Variants in TENM4 observed in about 807,000 individuals in gnomAD.
TENM4 encodes teneurin transmembrane protein 4.
TENM4 carries 82 observed loss-of-function variants against 243.3 expected under a neutral mutation model. The ratio of observed to expected loss-of-function variants is 0.34; its 90% CI spans 0.28 to 0.40. TENM4 has a LOEUF of 0.40. Ranked by LOEUF, TENM4 falls within the 10% of genes least tolerant of loss-of-function variation. The pLI, the probability that TENM4 is intolerant of heterozygous loss-of-function variation, is 1.00. For missense variants in TENM4, 3,138 were observed against 3,673.3 expected (o/e 0.85, Z 3.77); for synonymous variants, 1,412 against 1,456.3 (o/e 0.97, Z 0.69).
At chr11:78,945,766 T>C (rs1202590480) in intron 6 of TENM4, among the ~76,000 whole-genome samples, 1 of 152,198 alleles carries the variant, frequency 6.6e-6, no homozygotes, top group Non-Finnish European at 1.5e-5. Context: ...TTTGCTGTTT[T>C]ATGTTTTATG....
At chr11:79,222,815 C>T (rs1864188911) in intron 2 of TENM4, among the ~76,000 whole-genome samples, 1 of 152,130 alleles carries the variant, frequency 6.6e-6, no homozygotes, top group African/African-American at 2.4e-5. Flanking sequence ...CTAGAAGTGT[C>T]TGTTCATGTC....
At chr11:78,765,783 C>T (rs560157816) in intron 18 of TENM4, among the ~76,000 whole-genome samples, 6 of 152,292 alleles carry the variant, frequency 3.9e-5, no homozygotes, top group East Asian at 1.9e-4. Context: ...AGATGATGTA[C>T]GCAGAGCGTC....
chr11:78,875,170 G>A (rs372285429), intron 9 of TENM4, among the ~76,000 whole-genome samples: 2 of 152,156 alleles, frequency 1.3e-5, no homozygotes, highest in African/African-American at 2.4e-5. Context: ...CACAGTACAC[G>A]GGGCAGGACA....
chr11:78,959,247 A>T (rs1482604158), intron 6 of TENM4, among the ~76,000 whole-genome samples: 5 of 152,256 alleles, frequency 3.3e-5, no homozygotes, highest in African/African-American at 1.2e-4. Context: ...AGAGAACTTA[A>T]CATTTTACCT....
chr11:79,180,899 G>A (rs1383681064), intron 3 of TENM4, among the ~76,000 whole-genome samples: 3 of 148,930 alleles, frequency 2.0e-5, no homozygotes, highest in African/African-American at 4.9e-5. Flanking sequence ...ACATATATAT[G>A]TATGTGTATA....
At chr11:79,203,532 T>C (rs776379225) in intron 3 of TENM4, among the ~76,000 whole-genome samples, 69 of 152,320 alleles carry the variant, frequency 4.5e-4, no homozygotes, top group Non-Finnish European at 7.9e-4. Context: ...TATACATACA[T>C]ATCTATAATA....
intron 6 of TENM4, among the ~76,000 whole-genome samples, chr11:79,053,249 A>G (rs973242893): frequency 1.3e-5 from 2 of 152,226 alleles, no homozygotes; most frequent in African/African-American, 2.4e-5. Context: ...CAAATGCATT[A>G]TGAATGTGGG....
chr11:79,161,639 C>T (rs34472659), intron 3 of TENM4, among the ~76,000 whole-genome samples: 24 of 152,076 alleles, frequency 1.6e-4, no homozygotes, highest in Non-Finnish European at 2.9e-4. Flanking sequence ...CTCTCAGAGC[C>T]TCCAGAAGGA....
intron 9 of TENM4, among the ~76,000 whole-genome samples, chr11:78,866,609 T>C (rs1424308116): frequency 2.9e-5 from 4 of 137,982 alleles, no homozygotes; most frequent in Admixed American, 1.5e-4. Context: ...GGGGGAGACA[T>C]GGGGGGAGGG....
intron 6 of TENM4, among the ~76,000 whole-genome samples, chr11:78,969,578 G>T (rs1327133898): frequency 6.6e-6 from 1 of 152,194 alleles, no homozygotes; most frequent in Non-Finnish European, 1.5e-5. Context: ...TTAACACTTT[G>T]CTCAGCAGTC....
At chr11:79,041,069 CTT>C (rs35346731) in intron 6 of TENM4, among the ~76,000 whole-genome samples, 3 of 146,790 alleles carry the variant, frequency 2.0e-5, no homozygotes, top group African/African-American at 5.0e-5. Flanking sequence ...CCATTCTCCT[CTT>C]TTTTTTTTTT....
At chr11:78,688,886 G>C (rs1275956889) in intron 28 of TENM4, among the ~76,000 whole-genome samples, 2 of 152,120 alleles carry the variant, frequency 1.3e-5, no homozygotes, top group Non-Finnish European at 2.9e-5. Context: ...CTCAGGTATG[G>C]TCTTTCTAAA....
At chr11:78,952,051 G>A (rs1857118106) in intron 6 of TENM4, among the ~76,000 whole-genome samples, 1 of 152,076 alleles carries the variant, frequency 6.6e-6, no homozygotes, top group African/African-American at 2.4e-5. Flanking sequence ...GGCTGCTTCA[G>A]GGCAAACTGT....
Position 79,230,408 on chromosome 11 carries a change from C to G in TENM4, c.-264-14499G>C, listed in dbSNP as rs374970260. 1.1e-4 allele frequency among the ~76,000 whole-genome samples: 16 copies of G among 152,184 alleles called. No homozygotes were observed. The East Asian group carries it at 2.9e-3, about 28-fold the overall frequency. ...TCCGATCTTGAACACTGCCCCTGCT[C>G]TATTATTGGGTGGTCAGGGCCATCT... On this transcript the variant is annotated intron_variant, in intron 2 of 33. Transcript: ENST00000278550.
intron 9 of TENM4, among the ~76,000 whole-genome samples, chr11:78,882,175 G>A (rs1382115361): frequency 6.6e-6 from 1 of 152,164 alleles, no homozygotes; most frequent in Non-Finnish European, 1.5e-5. Flanking sequence ...AGTGTAATAG[G>A]CTCATGCTAA....
intron 3 of TENM4, among the ~76,000 whole-genome samples, chr11:79,210,692 G>A (rs776981070): frequency 4.1e-4 from 62 of 152,160 alleles, no homozygotes; most frequent in Non-Finnish European, 7.5e-4. Flanking sequence ...GGAAAACACC[G>A]CCAACTGCTG....
intron 1 of TENM4, among the ~76,000 whole-genome samples, chr11:79,311,534 T>C (rs977836191): frequency 6.6e-6 from 1 of 152,234 alleles, no homozygotes; most frequent in Non-Finnish European, 1.5e-5. Context: ...AGTTTGCAGA[T>C]TGGGCTGATA....
intron 6 of TENM4, among the ~76,000 whole-genome samples, chr11:79,024,035 G>C (rs947493833): frequency 6.6e-6 from 1 of 152,256 alleles, no homozygotes; most frequent in African/African-American, 2.4e-5. Flanking sequence ...GGGGAATTAA[G>C]ATTCAACCTG....
intron 16 of TENM4, among the ~76,000 whole-genome samples, chr11:78,778,903 A>G (rs905073999): frequency 4.9e-4 from 74 of 152,352 alleles, no homozygotes; most frequent in African/African-American, 1.5e-3. Flanking sequence ...AGACATATGA[A>G]TAAGGAAAAC....
Sources: allele counts gnomAD v4.1 joint callset (sites outside exome capture counted in the v4.1 genomes callset), GRCh38; gene constraint gnomAD v4.1.1; transcripts MANE v1.5; gene names NCBI Gene and HGNC (gene_info 2026-07-23, HGNC 2026-07-21).